The following C17orf99 variants were observed in gnomAD, a reference collection of about 807,000 sequenced individuals.
The protein encoded by C17orf99 is protein IL-40.
Under a neutral mutation model 22.6 loss-of-function variants are expected in C17orf99, and 18 were observed. The observed-to-expected ratio is 0.80, with a 90% confidence interval of 0.55 to 1.18. The LOEUF (loss-of-function observed/expected upper bound fraction) is 1.18, where lower values mean the gene tolerates loss of function less well. Ranked by LOEUF, C17orf99 falls within the 50% of genes most tolerant of loss-of-function variation. The probability of loss-of-function intolerance (pLI) is 0.00; values close to 1 mark genes in which losing one functional copy is unlikely to be tolerated. For missense variants in C17orf99, 328 were observed against 342.7 expected, an observed-to-expected ratio of 0.96 and a Z score of 0.34; for synonymous variants, 147 against 136.6, an observed-to-expected ratio of 1.08 and a Z score of -0.53.
intron 2 of C17orf99, among the ~76,000 whole-genome samples, chr17:78,156,365 A>C (rs897932022): frequency 3.3e-5 from 5 of 151,520 alleles, no homozygotes; most frequent in African/African-American, 1.2e-4. Flanking sequence ...GAATCAGCAA[A>C]GACAGCATCA....
At position 78,147,054 on chromosome 17, in the gene C17orf99, C is replaced by T. The variant is rs1278858163; in HGVS notation, c.70+143C>T. On this transcript the variant is annotated intron_variant, in intron 2 of 4. Transcript: ENST00000340363. Reference sequence around the variant, plus strand: ...GGAGGATGGCTGGACAGTTCTGGAACACTCTCTTCACCCTGCAGGGCCCTA... The same window carrying T: ...GGAGGATGGCTGGACAGTTCTGGAATACTCTCTTCACCCTGCAGGGCCCTA... 7 of 734,830 alleles carry T rather than the reference C, an allele frequency of 9.5e-6. No homozygotes were observed. The East Asian group carries it at 1.4e-4, about 14-fold the overall frequency. 45.5% of individuals were successfully genotyped at this position (734,830 alleles called of 1,614,324 possible).
upstream of C17orf99, among the ~76,000 whole-genome samples, chr17:78,145,790 AT>A (rs2075433227): frequency 2.1e-5 from 3 of 141,656 alleles, 1 homozygote; most frequent in Admixed American, 2.2e-4. Flanking sequence ...CAGCGTGGAC[AT>A]CTTTTTTTTT....
intron 3 of C17orf99, among the ~76,000 whole-genome samples, chr17:78,162,355 G>C (rs1203061065): frequency 6.6e-6 from 1 of 151,132 alleles, no homozygotes; most frequent in Non-Finnish European, 1.5e-5. Context: ...ACTCTGTCCA[G>C]CTCCAAACCC....
intron 3 of C17orf99, among the ~76,000 whole-genome samples, chr17:78,162,854 C>T (rs750384929): frequency 2.6e-5 from 4 of 152,180 alleles, no homozygotes; most frequent in Admixed American, 6.5e-5. Context: ...GGCACGATCT[C>T]GGCTCACCGC....
At chr17:78,157,630 C>T (rs2075537735) in intron 2 of C17orf99, 1 of 468,846 alleles carries the variant, frequency 2.1e-6, no homozygotes, top group Non-Finnish European at 3.7e-6. Flanking sequence ...AACCCCGTCT[C>T]TACTAAAAAT....
intron 4 of C17orf99, chr17:78,164,611 C>T (rs866266361): frequency 6.6e-7 from 1 of 1,513,504 alleles, no homozygotes; most frequent in Non-Finnish European, 8.8e-7. Context: ...GGCAGCCTTG[C>T]CTCCACTGCG....
intron 2 of C17orf99, among the ~76,000 whole-genome samples, chr17:78,152,160 TTTTA>T (rs34429235): frequency 0.45 from 68,243 of 150,960 alleles, 17,576 homozygotes; most frequent in African/African-American, 0.69. Flanking sequence ...AGCAGATGAA[TTTTA>T]TTTATTTATT....
intron 2 of C17orf99, among the ~76,000 whole-genome samples, chr17:78,156,661 A>G (rs921997236): frequency 3.9e-5 from 6 of 152,162 alleles, no homozygotes; most frequent in Non-Finnish European, 7.3e-5. Context: ...CCCAGTCTGG[A>G]GTGCAGTGGC....
At chr17:78,148,650 G>A (rs1025814694) in intron 2 of C17orf99, among the ~76,000 whole-genome samples, 6 of 152,266 alleles carry the variant, frequency 3.9e-5, no homozygotes, top group Admixed American at 2.0e-4. Context: ...GGAAGGGGCC[G>A]TGCAGCAAGG....
chr17:78,149,976 T>C (rs993989047), intron 2 of C17orf99, among the ~76,000 whole-genome samples: 1 of 151,898 alleles, frequency 6.6e-6, no homozygotes, highest in Non-Finnish European at 1.5e-5. Context: ...CCCAAAGTGC[T>C]GGGATTACAG....
chr17:78,148,498 G>A (rs2075452883), intron 2 of C17orf99, among the ~76,000 whole-genome samples: 1 of 152,092 alleles, frequency 6.6e-6, no homozygotes, highest in African/African-American at 2.4e-5. Flanking sequence ...GTGCACTTCA[G>A]CCTGGGTGGC....
chr17:78,157,544 A>G, intron 2 of C17orf99: 1 of 887,556 alleles, frequency 1.1e-6, no homozygotes. Flanking sequence ...CACGCCCGTA[A>G]TCCCATCACT....
chr17:78,160,668 CCG>C, intron 2 of C17orf99: 1 of 377,184 alleles, frequency 2.7e-6, no homozygotes. Context: ...CCTGCCACCT[CCG>C]CCTTCCTGGT....
At chr17:78,160,771 C>T in intron 2 of C17orf99, 184 bp from the exon 3 acceptor site, 1 of 598,022 alleles carries the variant, frequency 1.7e-6, no homozygotes, top group Middle Eastern at 4.5e-4. Context: ...TTAGTAGAGA[C>T]AGACTTTCAC....
Position 78,160,976 on chromosome 17 carries a change from T to C in C17orf99, c.92T>C (p.Ile31Thr), listed in dbSNP as rs777145443. The part of the protein sequence containing the change: ...REEEITPVVS[I>T]AYKVLEVFPK... ...CCAGAAATTACCCCTGTGGTCTCCATTGCCTACAAAGTCCTGGAAGTTTTC... is the reference window on the plus strand; with the variant it reads ...CCAGAAATTACCCCTGTGGTCTCCACTGCCTACAAAGTCCTGGAAGTTTTC... Residue 31 changes from isoleucine to threonine, a missense_variant, in exon 3 of 5, where the codon ATT (isoleucine) becomes ACT (threonine). Transcript: ENST00000340363. The C allele has an allele frequency of 6.4e-7, 1 of 1,551,494 alleles. No homozygotes were observed. Among genetic ancestry groups the C allele is most frequent in the South Asian group, 1.2e-5 (1 of 84,064 alleles).
intron 4 of C17orf99, chr17:78,165,200 T>C (rs1249137018): frequency 3.0e-6 from 3 of 991,708 alleles, no homozygotes; most frequent in Admixed American, 6.1e-5. Flanking sequence ...TGTCTGGCTT[T>C]GGTGGTGGCC....
Position 78,146,769 on chromosome 17 carries a change from C to A in C17orf99, c.38-110C>A. 1 of 1,109,766 alleles carries A rather than the reference C, an allele frequency of 9.0e-7. No individual in the cohort carries two copies. The highest frequency in any genetic ancestry group is 2.1e-5 in the Admixed American group (1 of 48,186). The allele number at this position is 1,109,766 out of a possible 1,614,324, so 68.7% of individuals were successfully genotyped here. On this transcript the variant is annotated intron_variant, in intron 1 of 4. Coordinates refer to ENST00000340363, the MANE Select transcript of C17orf99 (RefSeq NM_001163075.2). This position sits in a 1 kb window ranked among gnomAD's most constrained non-coding sequence, Gnocchi z 5.2. ...CAGCTGAGTCCTGGGGCCTCACTACCAAGAATCAGCCTGCTCCTCCCTCCT... is the reference window on the plus strand; with the variant it reads ...CAGCTGAGTCCTGGGGCCTCACTACAAAGAATCAGCCTGCTCCTCCCTCCT...
At chr17:78,165,470 C>G in intron 4 of C17orf99, 1 of 985,928 alleles carries the variant, frequency 1.0e-6, no homozygotes, top group Non-Finnish European at 1.2e-6. Context: ...AGCCTCATGT[C>G]TCTTCTGCTG....
At chr17:78,160,924 T>G in intron 2 of C17orf99, 31 bp from the exon 3 acceptor site, 1 of 1,527,082 alleles carries the variant, frequency 6.5e-7, no homozygotes, top group Non-Finnish European at 8.9e-7. Flanking sequence ...GTCGGTTTCT[T>G]TCTTCCTCCT....
Sources: allele counts gnomAD v4.1 joint callset (sites outside exome capture counted in the v4.1 genomes callset), GRCh38; gene constraint gnomAD v4.1.1; non-coding constraint Gnocchi (gnomAD v3.1); transcripts MANE v1.5; gene names NCBI Gene and HGNC (gene_info 2026-07-23, HGNC 2026-07-21).